Variants in PRKAB2 observed in about 807,000 individuals in gnomAD.
The protein encoded by PRKAB2 is protein kinase AMP-activated non-catalytic subunit beta 2.
In PRKAB2, 18 loss-of-function variants were observed where a neutral mutation model predicts 29.8. The ratio of observed to expected loss-of-function variants is 0.60; its 90% CI spans 0.42 to 0.89. PRKAB2 has a LOEUF of 0.89. Among genes scored for constraint, PRKAB2 ranks in the 40% least tolerant of loss-of-function variants. PRKAB2 has a pLI of 0.00. For synonymous variants in PRKAB2, 136 were observed against 125.9 expected, an observed-to-expected ratio of 1.08 and a Z score of -0.54; for missense variants, 270 against 344.3, an observed-to-expected ratio of 0.78 and a Z score of 1.71.
In PRKAB2 at chr1:147,172,022, G is replaced by T; in HGVS notation, c.123C>A (p.Asp41Glu). The T allele has an allele frequency of 2.5e-6, 4 of 1,598,552 alleles. No individual in the cohort carries two copies. Among genetic ancestry groups the T allele is most frequent in the Non-Finnish European group, 3.4e-6 (4 of 1,173,404 alleles). The change falls in exon 2 of 8, where the codon GAC (aspartate) becomes GAA (glutamate). Residue 41 changes from aspartate (D) to glutamate (E), a missense_variant. Transcript: ENST00000254101. ...CAGGGAGGCTGAACACGCTGGGGTC[G>T]TCCGTACTCCCCACCATGATCTTGT... is the stretch of plus-strand genomic sequence containing the variant. ...KEHKIMVGSTDDPSVFSLPDS... is the reference protein window; with the variant it reads ...KEHKIMVGSTEDPSVFSLPDS...
At chr1:147,163,522 G>A (rs1043128331) in intron 5 of PRKAB2, among the ~76,000 whole-genome samples, 5 of 152,136 alleles carry the variant, frequency 3.3e-5, no homozygotes, top group East Asian at 3.9e-4. Flanking sequence ...AAAAAAGAGC[G>A]AAGTACTGAT....
intron 1 of PRKAB2, 46 bp from the exon 2 acceptor site, chr1:147,172,213 G>T (rs1654682734): frequency 6.9e-7 from 1 of 1,459,164 alleles, no homozygotes; most frequent in Non-Finnish European, 9.0e-7. Flanking sequence ...CAGCCGCCGC[G>T]TCAGGGGCGC....
chr1:147,160,749 G>A (rs782306970), intron 7 of PRKAB2: 5 of 152,220 alleles, frequency 3.3e-5, no homozygotes, highest in South Asian at 4.2e-4. Context: ...AGAATATGAA[G>A]TCAGCATAGG....
Position 147,172,069 on chromosome 1 carries a change from C to A in PRKAB2, c.76G>T (p.Gly26Cys). 6.3e-7 allele frequency: 1 copy of A among 1,575,046 alleles called. No individual in the cohort carries two copies. The highest frequency in any genetic ancestry group is 1.2e-5 in the South Asian group (1 of 85,478). The change falls in exon 2 of 8, where the codon GGC (glycine) becomes TGC (cysteine). Residue 26 changes from glycine to cysteine, a missense_variant. Physicochemically the swap from Gly to Cys is radical, Grantham distance 159. Coordinates refer to ENST00000254101, the MANE Select transcript of PRKAB2 (RefSeq NM_005399.5). ...AKAARSEGAG[G>C]HAPGKEHKIM... ...TTGTGCTCCTTCCCCGGGGCATGGC[C>A]GCCTGCGCCCTCGGAGCGTGCAGCC...
intron 7 of PRKAB2, among the ~76,000 whole-genome samples, chr1:147,161,375 T>G (rs1653949989): frequency 8.2e-6 from 1 of 121,890 alleles, no homozygotes; most frequent in Admixed American, 8.8e-5. Flanking sequence ...CAAGCATTCT[T>G]TGAACTGGAA....
chr1:147,168,176 G>A (rs1654345232), intron 2 of PRKAB2, among the ~76,000 whole-genome samples: 1 of 151,804 alleles, frequency 6.6e-6, no homozygotes, highest in South Asian at 2.1e-4. Flanking sequence ...GTCTACCTGT[G>A]TCACTTACCC....
rs782268103 is a variant in PRKAB2 at position 147,162,512 on chromosome 1, T to C, written c.600A>G (p.Glu200=). The C allele has an allele frequency of 6.2e-7, 1 of 1,612,036 alleles. No homozygotes were observed. Among genetic ancestry groups the C allele is most frequent in the East Asian group, 2.2e-5 (1 of 44,838 alleles). The change falls in exon 6 of 8, where the codon GAA becomes GAG. Residue 200 remains glutamate, a synonymous_variant. Coordinates refer to ENST00000254101, the MANE Select transcript of PRKAB2 (RefSeq NM_005399.5). ...GQEMYAFRSE[E]RFKSPPILPP... The stretch of plus-strand genomic sequence containing the variant: ...GAAGGATGGGTGGGGATTTGAATCT[T>C]TCCTCAGATCGAAACGCATACATTT...
At chr1:147,165,328 T>C (rs1381538779) in intron 5 of PRKAB2, among the ~76,000 whole-genome samples, 1 of 152,214 alleles carries the variant, frequency 6.6e-6, no homozygotes, top group African/African-American at 2.4e-5. Context: ...GCCCAGCCAA[T>C]AATTTCTTTT....
intron 2 of PRKAB2, among the ~76,000 whole-genome samples, chr1:147,171,686 T>G (rs72708504): frequency 6.6e-6 from 1 of 152,130 alleles, no homozygotes; most frequent in Non-Finnish European, 1.5e-5. Context: ...AGCAACGCTA[T>G]GGAAGAGAGC....
At position 147,172,026 on chromosome 1, in the gene PRKAB2, G is replaced by A; in HGVS notation, c.119C>T (p.Thr40Met). Reference sequence around the variant, plus strand: ...GAGGCTGAACACGCTGGGGTCGTCCGTACTCCCCACCATGATCTTGTGCTC... The same window carrying A: ...GAGGCTGAACACGCTGGGGTCGTCCATACTCCCCACCATGATCTTGTGCTC... ...GKEHKIMVGS[T>M]DDPSVFSLPD... The change falls in exon 2 of 8, where the codon ACG (threonine) becomes ATG (methionine). Residue 40 changes from threonine to methionine, a missense_variant. This residue lies in a region of PRKAB2 where 228 missense variants were observed against 255.5 expected (regional missense o/e 0.89). Transcript: ENST00000254101. 1 of 1,597,266 alleles carries A rather than the reference G, an allele frequency of 6.3e-7. No individual in the cohort carries two copies. The highest frequency in any genetic ancestry group is 8.5e-7 in the Non-Finnish European group (1 of 1,172,754).
At chr1:147,159,957 AGT>A (rs1653873647) in intron 7 of PRKAB2, among the ~76,000 whole-genome samples, 1 of 152,136 alleles carries the variant, frequency 6.6e-6, no homozygotes, top group Non-Finnish European at 1.5e-5. Flanking sequence ...AAGAAATAAT[AGT>A]CTCCTACCTT....
At position 147,171,065 on chromosome 1, in the gene PRKAB2, CCAGT is replaced by C. The variant is rs587733448; in HGVS notation, c.156+920_156+923del. Among the ~76,000 whole-genome samples, 43 of 152,354 alleles carry C rather than the reference CCAGT, an allele frequency of 2.8e-4. 3 individuals are homozygous for C. The highest frequency in any genetic ancestry group is 1.0e-3 in the African/African-American group (42 of 41,584). ...CAAGCCCTCCATTTTTCTATCTCAT[CCAGT>C]CAGTCTACCTGGAGGAATTACTTGT... On this transcript the variant is annotated intron_variant, in intron 2 of 7. Transcript: ENST00000254101.
chr1:147,162,846 A>T (rs1654039796), intron 5 of PRKAB2, among the ~76,000 whole-genome samples: 1 of 152,184 alleles, frequency 6.6e-6, no homozygotes, highest in South Asian at 2.1e-4. Flanking sequence ...GAGCTACTAC[A>T]TGTATCAGCT....
intron 2 of PRKAB2, among the ~76,000 whole-genome samples, chr1:147,170,442 G>A (rs1265049831): frequency 1.3e-5 from 2 of 152,252 alleles, no homozygotes; most frequent in East Asian, 3.9e-4. Context: ...AATATAATGA[G>A]GCGGATCACC....
intron 2 of PRKAB2, among the ~76,000 whole-genome samples, chr1:147,170,041 A>G (rs1553914151): frequency 6.6e-6 from 1 of 152,204 alleles, no homozygotes; most frequent in Non-Finnish European, 1.5e-5. Flanking sequence ...TGTAGTAGGA[A>G]TGAATGCAAC....
Position 147,162,588 on chromosome 1 carries a change from T to C in PRKAB2, c.539-15A>G. The C allele has an allele frequency of 1.9e-6, 3 of 1,593,860 alleles. No homozygotes were observed. Among genetic ancestry groups the C allele is most frequent in the Non-Finnish European group, 2.6e-6 (3 of 1,170,596 alleles). On this transcript the variant is annotated splice_polypyrimidine_tract_variant and intron_variant, in intron 5 of 7. Transcript: ENST00000254101. ...GCTGGAAAGGTCTGAAAGATATTTA[T>C]ACAAATATGAGAAAGAGTTGGAGAA...
chr1:147,172,283 C>G, intron 1 of PRKAB2, 116 bp from the exon 2 acceptor site: 4 of 1,222,010 alleles, frequency 3.3e-6, no homozygotes, highest in South Asian at 3.2e-5. Context: ...CCAGGGAAGC[C>G]GAGCCCTGGA....
chr1:147,166,943 CA>C lies in PRKAB2; in HGVS notation c.324-5del. The C allele has an allele frequency of 6.2e-7, 1 of 1,611,472 alleles. No individual in the cohort carries two copies. Among genetic ancestry groups the C allele is most frequent in the Non-Finnish European group, 8.5e-7 (1 of 1,178,146 alleles). On this transcript the variant is annotated splice_region_variant and splice_polypyrimidine_tract_variant and intron_variant, in intron 3 of 7. Transcript: ENST00000254101. ...GATGGCAACAAAGTCATTATGGCTA[CA>C]GAAGAAAAAAGAAAGGCAAACAGGC...
rs781898496 is a variant in PRKAB2 at position 147,162,427 on chromosome 1, T to C, written c.672+13A>G. The C allele has an allele frequency of 1.2e-6, 2 of 1,608,544 alleles. No individual in the cohort carries two copies. The highest frequency in any genetic ancestry group is 4.5e-5 in the East Asian group (2 of 44,820). ...ACACCCCCAGATGCCCCAGTAATAC[T>C]CAGGATACTCACAGAAATATTAGTG... On this transcript the variant is annotated intron_variant, in intron 6 of 7. Transcript: ENST00000254101.
Sources: allele counts gnomAD v4.1 joint callset (sites outside exome capture counted in the v4.1 genomes callset), GRCh38; gene constraint gnomAD v4.1.1; regional missense constraint gnomAD v4.1.1; transcripts MANE v1.5; gene names NCBI Gene and HGNC (gene_info 2026-07-23, HGNC 2026-07-21).